YAF2: variants seen among roughly 807,000 people sequenced by gnomAD.
The protein encoded by YAF2 is YY1 associated factor 2, also known as YY1-associated factor 2.
YAF2 carries 7 observed loss-of-function variants against 20.1 expected under a neutral mutation model. That is an observed-to-expected ratio of 0.35 (90% CI 0.20 to 0.65). The LOEUF (loss-of-function observed/expected upper bound fraction) is 0.65. YAF2 is among the 30% of genes least tolerant of loss of function. The pLI is 0.69. For missense variants in YAF2, 151 were observed against 219.2 expected, an observed-to-expected ratio of 0.69 and a Z score of 1.96; for synonymous variants, 74 against 76.0, an observed-to-expected ratio of 0.97 and a Z score of 0.14.
chr12:42,222,634 G>A (rs1340087419), intron 2 of YAF2, among the ~76,000 whole-genome samples: 5 of 152,036 alleles, frequency 3.3e-5, no homozygotes, highest in Non-Finnish European at 1.5e-5. Context: ...ATCATCCCAG[G>A]AATCATCTAC....
chr12:42,228,029 A>G (rs1213618355), intron 2 of YAF2, among the ~76,000 whole-genome samples: 9 of 105,592 alleles, frequency 8.5e-5, no homozygotes, highest in Non-Finnish European at 9.7e-5. Context: ...GTGGGGGGTC[A>G]GCCCTCCGCC....
intron 2 of YAF2, among the ~76,000 whole-genome samples, chr12:42,229,534 G>A (rs934154902): frequency 1.3e-5 from 2 of 151,826 alleles, no homozygotes; most frequent in Non-Finnish European, 2.9e-5. Context: ...TAAGTGTCTA[G>A]ACAATTATAC....
intron 2 of YAF2, chr12:42,210,322 A>C: frequency 2.8e-6 from 4 of 1,440,006 alleles, no homozygotes; most frequent in South Asian, 1.3e-5. Flanking sequence ...GGGGGAAAAA[A>C]AATCTCAGGT....
chr12:42,188,498 G>A (rs1291852432), intron 2 of YAF2, among the ~76,000 whole-genome samples: 1 of 149,320 alleles, frequency 6.7e-6, no homozygotes, highest in African/African-American at 2.5e-5. Context: ...CAATTCTCAT[G>A]CCTCAGCCTC....
At chr12:42,218,524 C>T (rs1030425216) in intron 2 of YAF2, among the ~76,000 whole-genome samples, 30 of 151,702 alleles carry the variant, frequency 2.0e-4, no homozygotes, top group African/African-American at 7.3e-4. Context: ...ATGTATGTGT[C>T]TTTTAAAAAA....
chr12:42,234,987 C>CAAAAAAG (rs1189112349), intron 2 of YAF2: 1 of 983,838 alleles, frequency 1.0e-6, no homozygotes, highest in East Asian at 1.1e-4. Context: ...GATCTTATCT[C>CAAAAAAG]AAAAAAGAAA....
At chr12:42,177,722 C>T (rs2066232755) in intron 2 of YAF2, among the ~76,000 whole-genome samples, 1 of 152,196 alleles carries the variant, frequency 6.6e-6, no homozygotes, top group Non-Finnish European at 1.5e-5. Context: ...CCTCTGCCCA[C>T]TCACTCCCTC....
chr12:42,175,772 T>TAAAAAAAAAAAAAA (rs1277338221), intron 2 of YAF2, among the ~76,000 whole-genome samples: 29 of 88,836 alleles, frequency 3.3e-4, no homozygotes, highest in Non-Finnish European at 5.4e-4. Context: ...AAAAAAAAAT[T>TAAAAAAAAAAAAAA]AAAACAGGAA....
rs552858684 is a variant in YAF2, at chr12:42,192,258, A to G, written c.153-30493T>C. Among the ~76,000 whole-genome samples, 4 of 151,960 alleles carry G rather than the reference A, an allele frequency of 2.6e-5. No individual in the cohort carries two copies. The East Asian group carries it at 7.8e-4, about 30-fold the overall frequency. On this transcript the variant is annotated intron_variant, in intron 2 of 3. Transcript: ENST00000534854. ...CATCGTGGCACATGCCTGTAATCCC[A>G]ACAGTTTGGGAAGCTGAGGCAGGAG...
intron 2 of YAF2, among the ~76,000 whole-genome samples, chr12:42,202,061 C>G (rs1308319504): frequency 6.6e-6 from 1 of 152,142 alleles, no homozygotes; most frequent in African/African-American, 2.4e-5. Context: ...TTTAATTCAA[C>G]TGGAATTTAT....
chr12:42,163,683 C>A (rs569066917), intron 2 of YAF2, among the ~76,000 whole-genome samples: 1 of 152,164 alleles, frequency 6.6e-6, no homozygotes, highest in African/African-American at 2.4e-5. Flanking sequence ...ATGATTATTT[C>A]ATCTGGTTCA....
chr12:42,171,516 AAAAG>A lies in YAF2; in HGVS notation c.153-9755_153-9752del, dbSNP rs533161644. ...GACCCCATCTCTTTAAATTAAAAAA[AAAAG>A]AAAGAAAGAAAGAAATATGTTACTT... is the stretch of plus-strand genomic sequence containing the variant. On this transcript the variant is annotated intron_variant, in intron 2 of 3. Coordinates refer to ENST00000534854, the MANE Select transcript of YAF2 (RefSeq NM_005748.6). 2.8e-4 allele frequency among the ~76,000 whole-genome samples: 43 copies of A among 151,224 alleles called. No individual in the cohort carries two copies. In the South Asian group the frequency reaches 6.0e-3, roughly 21 times the overall value.
At chr12:42,196,788 C>A (rs1439733344) in intron 2 of YAF2, among the ~76,000 whole-genome samples, 1 of 152,124 alleles carries the variant, frequency 6.6e-6, no homozygotes, top group Non-Finnish European at 1.5e-5. Flanking sequence ...CATTAAATTT[C>A]TTTGAAACAT....
At chr12:42,189,774 TG>T (rs2066567126) in intron 2 of YAF2, among the ~76,000 whole-genome samples, 1 of 152,132 alleles carries the variant, frequency 6.6e-6, no homozygotes, top group African/African-American at 2.4e-5. Context: ...TAATATTAGA[TG>T]GGGTTTCATA....
intron 2 of YAF2, among the ~76,000 whole-genome samples, chr12:42,192,825 A>C (rs1761551838): frequency 6.6e-6 from 1 of 152,218 alleles, no homozygotes; most frequent in Admixed American, 6.5e-5. Flanking sequence ...GTTACTTTTA[A>C]GCATATAGTC....
chr12:42,171,509 TA>T (rs10708373), intron 2 of YAF2, among the ~76,000 whole-genome samples: 40,594 of 148,102 alleles, frequency 0.27, 5,886 homozygotes, highest in African/African-American at 0.35. Flanking sequence ...CTCTTTAAAT[TA>T]AAAAAAAAAG....
At chr12:42,182,633 T>C (rs989201815) in intron 2 of YAF2, among the ~76,000 whole-genome samples, 1 of 152,342 alleles carries the variant, frequency 6.6e-6, no homozygotes. Context: ...CCTCAGTATG[T>C]AATTGGCAAT....
chr12:42,224,418 T>G lies in YAF2; in HGVS notation c.152+13181A>C, dbSNP rs531176347. ...TATACTTTAAATTCTGGGATACATG[T>G]GCAGAACCTCCAGGTTTGTTACATA... On this transcript the variant is annotated intron_variant, in intron 2 of 3. Transcript: ENST00000534854. Among the ~76,000 whole-genome samples the G allele has an allele frequency of 2.6e-5, 4 of 152,316 alleles. No individual in the cohort carries two copies. In the East Asian group the frequency reaches 7.7e-4, roughly 29 times the overall value.
chr12:42,226,936 G>A (rs894040117), intron 2 of YAF2, among the ~76,000 whole-genome samples: 17 of 149,958 alleles, frequency 1.1e-4, no homozygotes, highest in Non-Finnish European at 2.1e-4. Context: ...CATGGTGGCC[G>A]CGGGTGGTGG....
Sources: gnomAD v4.1 joint callset for allele counts (sites outside exome capture counted in the v4.1 genomes callset) on GRCh38, gnomAD v4.1.1 for gene constraint, MANE v1.5 for transcripts, NCBI Gene and HGNC (gene_info 2026-07-23, HGNC 2026-07-21) for gene names.